Variants in RFX7 observed in about 807,000 individuals in gnomAD.
The protein encoded by RFX7 is regulatory factor X7.
A neutral mutation model predicts 111.8 loss-of-function variants in RFX7; 26 were observed. The observed-to-expected ratio is 0.23, with a 90% CI of 0.17 to 0.32. RFX7 has a LOEUF of 0.32. Ranked by LOEUF, RFX7 falls within the 10% of genes least tolerant of loss-of-function variation. RFX7 has a pLI of 1.00. For missense variants in RFX7, 1,573 were observed against 1,772.9 expected (o/e 0.89, Z 2.02); for synonymous variants, 624 against 624.4 (o/e 1.00, Z 0.01).
At chr15:56,242,424 A>G (rs1211942234) in intron 2 of RFX7, among the ~76,000 whole-genome samples, 1 of 152,232 alleles carries the variant, frequency 6.6e-6, no homozygotes, top group Admixed American at 6.5e-5. Context: ...TAAAATAGCG[A>G]AAGATATTCC....
In RFX7 at chr15:56,192,098, C is replaced by G. The variant is rs138549737; in HGVS notation, c.162-12795G>C. 5.8e-3 allele frequency among the ~76,000 whole-genome samples: 878 copies of G among 152,196 alleles called. 9 individuals carry two copies. Among genetic ancestry groups the G allele is most frequent in the African/African-American group, 0.02 (830 of 41,504 alleles). On this transcript the variant is annotated intron_variant, in intron 2 of 9. Coordinates refer to ENST00000559447, the MANE Select transcript of RFX7 (RefSeq NM_022841.7). ...GACAGCATTTGTTCCAAAGCACCAA[C>G]AGTATAACGCTTTTTAGAAAATACA...
chr15:56,213,509 A>C (rs145615111), intron 2 of RFX7, among the ~76,000 whole-genome samples: 44 of 152,336 alleles, frequency 2.9e-4, no homozygotes, highest in Non-Finnish European at 5.4e-4. Context: ...GGAACAGATT[A>C]GTGACTGCCA....
chr15:56,098,697 G>A (rs1046802015), intron 8 of RFX7, among the ~76,000 whole-genome samples: 20 of 152,172 alleles, frequency 1.3e-4, no homozygotes, highest in African/African-American at 4.6e-4. Flanking sequence ...TGAGATAAAT[G>A]CCAACACAGC....
At chr15:56,146,484 G>A (rs1265864030) in intron 3 of RFX7, among the ~76,000 whole-genome samples, 2 of 152,014 alleles carry the variant, frequency 1.3e-5, no homozygotes, top group African/African-American at 4.8e-5. Flanking sequence ...AATATTATGA[G>A]CCATGTCTGA....
In RFX7 at chr15:56,095,164, A is replaced by G. The variant is rs1177357133; in HGVS notation, c.2564T>C (p.Leu855Ser). The G allele has an allele frequency of 2.5e-6, 4 of 1,613,880 alleles. No homozygotes were observed. Among genetic ancestry groups the G allele is most frequent in the African/African-American group, 1.3e-5 (1 of 74,940 alleles). The change falls in exon 10 of 10, where the codon TTA becomes TCA. Residue 855 changes from leucine (L) to serine (S), a missense_variant. This residue lies in a region of RFX7 where 625 missense variants were observed against 632.2 expected (regional missense o/e 0.99). Transcript: ENST00000559447. ...NQIQAHSSDQ[L>S]PLQSELKEFE... Reference sequence around the variant, plus strand: ...CTCCTTCAGTTCAGATTGCAGAGGTAACTGATCTGAAGAATGTGCTTGTAT... The same window carrying G: ...CTCCTTCAGTTCAGATTGCAGAGGTGACTGATCTGAAGAATGTGCTTGTAT...
At chr15:56,133,648 C>G (rs1458226970) in intron 5 of RFX7, among the ~76,000 whole-genome samples, 1 of 152,060 alleles carries the variant, frequency 6.6e-6, no homozygotes, top group Admixed American at 6.6e-5. Flanking sequence ...ATTTAAAACT[C>G]TTGTTCTTAA....
intron 5 of RFX7, among the ~76,000 whole-genome samples, chr15:56,108,619 T>C (rs1166450842): frequency 6.6e-6 from 1 of 152,176 alleles, no homozygotes; most frequent in African/African-American, 2.4e-5. Context: ...GCTGGAAGCA[T>C]TCCTTTTGAA....
chr15:56,126,024 C>A (rs1485768448), intron 5 of RFX7, among the ~76,000 whole-genome samples: 1 of 152,092 alleles, frequency 6.6e-6, no homozygotes, highest in Non-Finnish European at 1.5e-5. Context: ...AGGCTTTGAT[C>A]TTCTGTGTTT....
At chr15:56,176,975 A>G (rs1297158622) in intron 3 of RFX7, among the ~76,000 whole-genome samples, 1 of 152,120 alleles carries the variant, frequency 6.6e-6, no homozygotes, top group African/African-American at 2.4e-5. Flanking sequence ...TTCTCTGCAT[A>G]AAATCCTCTC....
chr15:56,236,023 T>TA (rs1567056550), intron 2 of RFX7, among the ~76,000 whole-genome samples: 1 of 152,076 alleles, frequency 6.6e-6, no homozygotes, highest in Non-Finnish European at 1.5e-5. Context: ...AAGACTCAAA[T>TA]AGTAAGGAAT....
At chr15:56,213,389 CTGGA>C (rs554550079) in intron 2 of RFX7, among the ~76,000 whole-genome samples, 3 of 152,114 alleles carry the variant, frequency 2.0e-5, no homozygotes, top group Non-Finnish European at 4.4e-5. Flanking sequence ...CTAGAACAAT[CTGGA>C]TGAACACCCA....
At chr15:56,131,369 G>C (rs1318904097) in intron 5 of RFX7, among the ~76,000 whole-genome samples, 1 of 131,048 alleles carries the variant, frequency 7.6e-6, no homozygotes, top group Non-Finnish European at 1.5e-5. Flanking sequence ...CTGAGCTCAA[G>C]CAATCCTCCA....
intron 2 of RFX7, among the ~76,000 whole-genome samples, chr15:56,235,279 G>A (rs1022568042): frequency 5.9e-5 from 9 of 151,808 alleles, no homozygotes; most frequent in African/African-American, 1.2e-4. Context: ...AGGTTCAAGC[G>A]ATTCTCCTGC....
At chr15:56,149,174 T>C (rs185368173) in intron 3 of RFX7, among the ~76,000 whole-genome samples, 31 of 152,194 alleles carry the variant, frequency 2.0e-4, no homozygotes, top group African/African-American at 7.0e-4. Flanking sequence ...GGTGAAGCTA[T>C]AACATGTCAG....
In RFX7 at chr15:56,096,497, T is replaced by A; in HGVS notation, c.1231A>T (p.Thr411Ser). The change falls in exon 10 of 10, where the codon ACT becomes TCT. Residue 411 changes from threonine (T) to serine (S), a missense_variant. By Grantham distance (58) the Thr-to-Ser change is moderately conservative (BLOSUM62 1). This residue lies in a region of RFX7 where 288 missense variants were observed against 337.9 expected (regional missense o/e 0.85). Coordinates refer to ENST00000559447, the MANE Select transcript of RFX7 (RefSeq NM_022841.7). Reference protein sequence around the residue: ...HMQSVKQAPKTPQNVPASPGG... With the variant: ...HMQSVKQAPKSPQNVPASPGG... ...GGACTGGCTGGAACGTTCTGGGGAG[T>A]CTTTGGTGCCTGTTTCACAGACTGC... is the stretch of plus-strand genomic sequence containing the variant. 6.2e-7 allele frequency: 1 copy of A among 1,605,254 alleles called. No individual in the cohort carries two copies. Among genetic ancestry groups the A allele is most frequent in the Non-Finnish European group, 8.5e-7 (1 of 1,175,934 alleles).
chr15:56,153,432 T>G (rs2042604164), intron 3 of RFX7, among the ~76,000 whole-genome samples: 1 of 151,482 alleles, frequency 6.6e-6, no homozygotes, highest in Non-Finnish European at 1.5e-5. Flanking sequence ...ACATAATCCA[T>G]TCACATAAAT....
chr15:56,090,421 A>C lies in RFX7; in HGVS notation c.*2924T>G, dbSNP rs1271016251. ...AGCAGCACTGTTCTGCCTTCTGCTC[A>C]TTTTTATTCACTCCCTAAAGTTAAT... On this transcript the variant is annotated 3_prime_UTR_variant, in exon 10 of 10. Transcript: ENST00000559447. The C allele has an allele frequency of 1.3e-5, 2 of 152,390 alleles. No individual in the cohort carries two copies. Among genetic ancestry groups the C allele is most frequent in the African/African-American group, 4.8e-5 (2 of 41,442 alleles). 9.4% of individuals were successfully genotyped at this position (152,390 alleles called of 1,614,324 possible).
chr15:56,176,748 G>GC (rs1421806031), intron 3 of RFX7, among the ~76,000 whole-genome samples: 6 of 151,896 alleles, frequency 4.0e-5, no homozygotes, highest in Admixed American at 3.9e-4. Context: ...GAATCTATCA[G>GC]CAAGCAAGGC....
At chr15:56,149,757 G>A (rs982489579) in intron 3 of RFX7, among the ~76,000 whole-genome samples, 2 of 151,784 alleles carry the variant, frequency 1.3e-5, no homozygotes, top group Non-Finnish European at 2.9e-5. Flanking sequence ...TTCAAGCACA[G>A]AACTGGCTGG....
Sources: allele counts gnomAD v4.1 joint callset (sites outside exome capture counted in the v4.1 genomes callset), GRCh38; gene constraint gnomAD v4.1.1; regional missense constraint gnomAD v4.1.1; transcripts MANE v1.5; gene names NCBI Gene and HGNC (gene_info 2026-07-23, HGNC 2026-07-21).